TMEM131: variants seen among roughly 807,000 people sequenced by gnomAD.
TMEM131 encodes transmembrane protein 131.
In TMEM131, 66 loss-of-function variants were observed where a neutral mutation model predicts 211.6. That is an observed-to-expected ratio of 0.31 (90% CI 0.26 to 0.38). TMEM131 has a LOEUF of 0.38. TMEM131 is among the 10% of genes least tolerant of loss of function. The probability of loss-of-function intolerance (pLI) is 1.00; values close to 1 mark genes in which losing one functional copy is unlikely to be tolerated. For synonymous variants in TMEM131, 844 were observed against 841.3 expected, an observed-to-expected ratio of 1.00 and a Z score of -0.06; for missense variants, 2,036 against 2,299.3, an observed-to-expected ratio of 0.89 and a Z score of 2.34.
chr2:97,774,742 G>C (rs6737466), intron 32 of TMEM131, among the ~76,000 whole-genome samples: 4,332 of 152,254 alleles, frequency 0.028, 78 homozygotes, highest in African/African-American at 0.054. Context: ...AATGCCTTCC[G>C]AACGCTGATG....
chr2:97,833,460 A>T, intron 10 of TMEM131, 34 bp from the exon 11 acceptor site: 1 of 1,066,478 alleles, frequency 9.4e-7, no homozygotes, highest in Non-Finnish European at 1.4e-6. Context: ...TATTTCTTAA[A>T]AAGGTGCTTT....
chr2:97,814,434 A>C (rs750641478), intron 13 of TMEM131, 46 bp from the exon 14 acceptor site: 5 of 1,484,208 alleles, frequency 3.4e-6, no homozygotes, highest in Admixed American at 2.4e-5. Flanking sequence ...TTTTATTTCC[A>C]TGTGTTAATT....
At chr2:97,940,287 C>T (rs1452826758) in intron 1 of TMEM131, among the ~76,000 whole-genome samples, 3 of 152,018 alleles carry the variant, frequency 2.0e-5, no homozygotes, top group Non-Finnish European at 4.4e-5. Flanking sequence ...TCATCTCAGC[C>T]CCAAATCTCA....
intron 4 of TMEM131, among the ~76,000 whole-genome samples, chr2:97,862,551 A>G (rs1442860186): frequency 6.6e-6 from 1 of 152,130 alleles, no homozygotes; most frequent in African/African-American, 2.4e-5. Context: ...ATTAAAAACA[A>G]TCAAGCAGAA....
chr2:97,809,265 C>T (rs1474682594), intron 19 of TMEM131, among the ~76,000 whole-genome samples: 1 of 152,172 alleles, frequency 6.6e-6, no homozygotes, highest in Admixed American at 6.5e-5. Flanking sequence ...CTCACTATTG[C>T]CTGAACCAAC....
chr2:97,880,346 G>A (rs551675558), intron 4 of TMEM131, among the ~76,000 whole-genome samples: 7 of 152,248 alleles, frequency 4.6e-5, no homozygotes, highest in Admixed American at 2.0e-4. Context: ...GGGGAAGTGG[G>A]AAAAACGACA....
intron 2 of TMEM131, among the ~76,000 whole-genome samples, chr2:97,921,210 T>G (rs1676727341): frequency 6.6e-6 from 1 of 152,112 alleles, no homozygotes; most frequent in Non-Finnish European, 1.5e-5. Context: ...GGCTCACACA[T>G]ATATGGACAC....
At chr2:97,811,046 A>T in intron 18 of TMEM131, 82 bp downstream of exon 18, 2 of 995,976 alleles carry the variant, frequency 2.0e-6, no homozygotes, top group Non-Finnish European at 3.2e-6. Context: ...GAGTAAACTT[A>T]ATTCTTTGGT....
intron 1 of TMEM131, among the ~76,000 whole-genome samples, chr2:97,955,762 T>G (rs996928472): frequency 2.0e-5 from 3 of 152,040 alleles, no homozygotes; most frequent in Non-Finnish European, 4.4e-5. Flanking sequence ...CTCTGGAAAG[T>G]GAAATACTTG....
chr2:97,972,444 AG>A lies in TMEM131; in HGVS notation c.187+23031del, dbSNP rs1316608931. ...GAAAGAAAGGAAAGAAAGGGGAGGG[AG>A]GGAGGGAGGGGAGGGAGGGAAGGCG... On this transcript the variant is annotated intron_variant, in intron 1 of 40. Transcript: ENST00000186436. 6.6e-4 allele frequency among the ~76,000 whole-genome samples: 11 copies of A among 16,780 alleles called. 1 individual carries two copies. The South Asian group carries it at 0.019, about 30-fold the overall frequency. The allele number at this position is 16,780 out of a possible 152,430, so 11.0% of individuals were successfully genotyped here.
intron 1 of TMEM131, among the ~76,000 whole-genome samples, chr2:97,941,627 A>T (rs1008554868): frequency 2.0e-5 from 3 of 152,236 alleles, no homozygotes; most frequent in Non-Finnish European, 4.4e-5. Flanking sequence ...CGAATTTACA[A>T]GGAAAAATCA....
rs779678903 is a variant in TMEM131 at position 97,809,640 on chromosome 2, A to T, written c.2055+48T>A. The T allele has an allele frequency of 2.1e-6, 3 of 1,407,470 alleles. No homozygotes were observed. The East Asian group carries it at 7.1e-5, about 33-fold the overall frequency. The allele number at this position is 1,407,470 out of a possible 1,614,324, so 87.2% of individuals were successfully genotyped here. A position where few individuals can be genotyped will look rare whatever the true frequency, so the allele number is the denominator to read the frequency against. On this transcript the variant is annotated intron_variant, in intron 19 of 40. Coordinates refer to ENST00000186436, the MANE Select transcript of TMEM131 (RefSeq NM_015348.2). ...ATTCTAGGAACACAGAGCTAAAGGC[A>T]AAGGCAAAAAACGAGCAATAGAAAA...
chr2:97,792,760 G>A lies in TMEM131; in HGVS notation c.3770C>T (p.Ala1257Val), dbSNP rs757575239. 3.1e-6 allele frequency: 5 copies of A among 1,614,048 alleles called. No individual in the cohort carries two copies. In the Admixed American group the frequency reaches 6.7e-5, roughly 22 times the overall value. Reference sequence around the variant, plus strand: ...TAAGACAAGGGGGCTTGTTTTGTTAGCAGACTGTGAAGAAGCTGCTTGAGC... The same window carrying A: ...TAAGACAAGGGGGCTTGTTTTGTTAACAGACTGTGAAGAAGCTGCTTGAGC... ...TSAQAASSQS[A>V]NKTSPLVLDS... is the part of the protein sequence containing the mutation. The change falls in exon 31 of 41, where the codon GCT (alanine) becomes GTT (valine). Residue 1257 changes from alanine to valine, a missense_variant. Transcript: ENST00000186436.
chr2:97,855,579 T>C (rs1434427210), intron 5 of TMEM131, among the ~76,000 whole-genome samples: 2 of 151,908 alleles, frequency 1.3e-5, no homozygotes, highest in Non-Finnish European at 2.9e-5. Context: ...CAGGTGCTTG[T>C]AGTCCCAGCT....
intron 30 of TMEM131, 96 bp from the exon 31 acceptor site, chr2:97,793,080 A>C: frequency 1.1e-6 from 1 of 914,248 alleles, no homozygotes; most frequent in Non-Finnish European, 1.6e-6. Context: ...CACCATAAAT[A>C]TAAACTACAC....
At chr2:97,995,324 G>A (rs1192746704) in intron 1 of TMEM131, among the ~76,000 whole-genome samples, 152 bp downstream of exon 1, 1 of 152,318 alleles carries the variant, frequency 6.6e-6, no homozygotes, top group Admixed American at 6.5e-5. Flanking sequence ...CCGTGCGGCG[G>A]GCGCCGCGAG....
At position 97,929,293 on chromosome 2, in the gene TMEM131, T is replaced by C. The variant is rs74506652; in HGVS notation, c.188-1806A>G. Among the ~76,000 whole-genome samples, 685 of 151,902 alleles carry C rather than the reference T, an allele frequency of 4.5e-3. 31 individuals carry two copies. The highest frequency in any genetic ancestry group is 0.015 in the African/African-American group (633 of 41,202). ...CAATCTGAGCAACAAAATGAAGAAGTACTAGATGTAGCCCAAAGTATAAAA... is the reference window on the plus strand; with the variant it reads ...CAATCTGAGCAACAAAATGAAGAAGCACTAGATGTAGCCCAAAGTATAAAA... On this transcript the variant is annotated intron_variant, in intron 1 of 40. Transcript: ENST00000186436.
chr2:97,965,102 G>GA (rs929248815), intron 1 of TMEM131, among the ~76,000 whole-genome samples: 3 of 152,264 alleles, frequency 2.0e-5, no homozygotes, highest in African/African-American at 7.2e-5. Flanking sequence ...ACACTCCCTT[G>GA]AAACAGTGGA....
At chr2:97,866,504 TTA>T (rs1285016905) in intron 4 of TMEM131, among the ~76,000 whole-genome samples, 1 of 152,246 alleles carries the variant, frequency 6.6e-6, no homozygotes, top group Non-Finnish European at 1.5e-5. Context: ...GTTGATTTTG[TTA>T]TGTTTTTCTA....
Sources: gnomAD v4.1 joint callset for allele counts (sites outside exome capture counted in the v4.1 genomes callset) on GRCh38, gnomAD v4.1.1 for gene constraint, MANE v1.5 for transcripts, NCBI Gene and HGNC (gene_info 2026-07-23, HGNC 2026-07-21) for gene names.